PRKD3: variants seen among roughly 807,000 people sequenced by gnomAD.
PRKD3 encodes serine/threonine-protein kinase D3.
A neutral mutation model predicts 99.2 loss-of-function variants in PRKD3; 47 were observed. The ratio of observed to expected loss-of-function variants is 0.47; its 90% CI spans 0.38 to 0.60. The LOEUF (loss-of-function observed/expected upper bound fraction) is 0.60, where lower values mean the gene tolerates loss of function less well. PRKD3 is among the 20% of genes least tolerant of loss of function. PRKD3 has a pLI of 0.00. For synonymous variants in PRKD3, 392 were observed against 355.4 expected (o/e 1.10, Z -1.16); for missense variants, 1,019 against 1,088.4 (o/e 0.94, Z 0.90).
At chr2:37,264,978 C>A (rs756720026) in intron 14 of PRKD3, among the ~76,000 whole-genome samples, 3 of 152,040 alleles carry the variant, frequency 2.0e-5, no homozygotes, top group Admixed American at 2.0e-4. Flanking sequence ...TCCTTGCCAC[C>A]GGAAAGGCCA....
rs552453071 is a variant in PRKD3, at chr2:37,282,419, A to T, written c.988+123T>A. The T allele has an allele frequency of 1.0e-5, 7 of 675,278 alleles. No homozygotes were observed. In the South Asian group the frequency reaches 1.4e-4, roughly 13 times the overall value. 41.8% of individuals were successfully genotyped at this position (675,278 alleles called of 1,614,324 possible). A position where few individuals can be genotyped will look rare whatever the true frequency, so the allele number is the denominator to read the frequency against. On this transcript the variant is annotated intron_variant, in intron 7 of 18. Transcript: ENST00000234179. ...GTCTGTGTATTTTGTTTGATTATTA[A>T]ATCAGAAGAAAATCTTTAAGAAACA...
At chr2:37,308,328 G>C (rs1244570950) in intron 2 of PRKD3, among the ~76,000 whole-genome samples, 3 of 152,168 alleles carry the variant, frequency 2.0e-5, no homozygotes, top group African/African-American at 7.2e-5. Flanking sequence ...CTGAAAGTGA[G>C]CTGCCTGCTG....
chr2:37,320,987 G>A (rs904211827), intron 1 of PRKD3, among the ~76,000 whole-genome samples: 3 of 152,116 alleles, frequency 2.0e-5, no homozygotes, highest in African/African-American at 7.2e-5. Context: ...ATGGACCCCA[G>A]ATTTACTCTG....
At chr2:37,318,863 C>T (rs1158665392) in intron 1 of PRKD3, among the ~76,000 whole-genome samples, 1 of 152,142 alleles carries the variant, frequency 6.6e-6, no homozygotes, top group Non-Finnish European at 1.5e-5. Flanking sequence ...GTTTCAAGTT[C>T]TGGCGGCTGG....
chr2:37,320,810 A>G (rs754462252), intron 1 of PRKD3, among the ~76,000 whole-genome samples: 2 of 152,218 alleles, frequency 1.3e-5, no homozygotes, highest in Non-Finnish European at 2.9e-5. Context: ...TAGCCAAATA[A>G]CAGTGTTTAA....
intron 2 of PRKD3, among the ~76,000 whole-genome samples, chr2:37,296,713 C>T (rs758400147): frequency 1.3e-5 from 2 of 151,668 alleles, no homozygotes; most frequent in Non-Finnish European, 2.9e-5. Context: ...CTGACTAACA[C>T]GGTGAAACCC....
chr2:37,302,582 C>T (rs1319928832), intron 2 of PRKD3, among the ~76,000 whole-genome samples: 2 of 152,248 alleles, frequency 1.3e-5, no homozygotes, highest in Admixed American at 6.5e-5. Flanking sequence ...AAGTTCATGT[C>T]GTTAAAATGC....
intron 11 of PRKD3, among the ~76,000 whole-genome samples, chr2:37,273,403 C>G (rs1044049953): frequency 2.0e-5 from 3 of 152,090 alleles, no homozygotes; most frequent in African/African-American, 7.2e-5. Flanking sequence ...TCACACTTGT[C>G]TCAACTAAAT....
At chr2:37,290,169 T>C (rs181343042) in intron 4 of PRKD3, among the ~76,000 whole-genome samples, 2 of 152,312 alleles carry the variant, frequency 1.3e-5, no homozygotes, top group Admixed American at 6.5e-5. Context: ...AATGTGCACC[T>C]GTGTCCTACT....
intron 11 of PRKD3, 56 bp downstream of exon 11, chr2:37,274,364 CA>C: frequency 1.3e-6 from 2 of 1,584,498 alleles, no homozygotes; most frequent in Non-Finnish European, 1.7e-6. Flanking sequence ...CAACCATACC[CA>C]CAAAATGCTT....
intron 2 of PRKD3, among the ~76,000 whole-genome samples, chr2:37,293,811 A>C (rs115931585): frequency 1.6e-3 from 250 of 152,338 alleles, no homozygotes; most frequent in African/African-American, 4.4e-3. Context: ...GCTGCTGCTG[A>C]TATCGTTTAC....
rs1026464810 is a variant in PRKD3 at position 37,316,818 on chromosome 2, T to A, written c.-294A>T. 7 of 1,183,638 alleles carry A rather than the reference T, an allele frequency of 5.9e-6. No homozygotes were observed. The East Asian group carries it at 3.2e-4, about 54-fold the overall frequency. The allele number at this position is 1,183,638 out of a possible 1,614,324, so 73.3% of individuals were successfully genotyped here. ...CATCACTGAGCTATCCTCAGCAGGA[T>A]AGAGTTGACGTAGCTTATTTACGAA... On this transcript the variant is annotated 5_prime_UTR_variant, in exon 2 of 19. Transcript: ENST00000234179.
intron 7 of PRKD3, among the ~76,000 whole-genome samples, chr2:37,281,445 G>T (rs536644734): frequency 2.5e-4 from 38 of 152,136 alleles, no homozygotes; most frequent in Non-Finnish European, 4.9e-4. Flanking sequence ...CAAGGCAAGG[G>T]TATTAGGTAG....
At position 37,316,286 on chromosome 2, in the gene PRKD3, A is replaced by G. The variant is rs781031857; in HGVS notation, c.239T>C (p.Leu80Pro). Reference protein sequence around the residue: ...RESVTIEAQELSLSAVKDLVC... With the variant: ...RESVTIEAQEPSLSAVKDLVC... ...AAGATCCTTGACAGCAGATAAAGAC[A>G]GTTCCTGGGCTTCAATGGTAACACT... The change falls in exon 2 of 19, where the codon CTG becomes CCG. Residue 80 changes from leucine to proline, a missense_variant. Leu to Pro is a moderately conservative substitution (Grantham distance 98, BLOSUM62 -3). Transcript: ENST00000234179. 5 of 1,614,138 alleles carry G rather than the reference A, an allele frequency of 3.1e-6. No homozygotes were observed. Among genetic ancestry groups the G allele is most frequent in the Non-Finnish European group, 3.4e-6 (4 of 1,180,046 alleles).
intron 7 of PRKD3, among the ~76,000 whole-genome samples, chr2:37,280,799 A>C (rs1209922899): frequency 1.3e-5 from 2 of 152,194 alleles, no homozygotes; most frequent in East Asian, 3.8e-4. Flanking sequence ...GCTACAAACA[A>C]CACCTTACGA....
At chr2:37,293,927 C>T (rs4670684) in intron 2 of PRKD3, among the ~76,000 whole-genome samples, 14,888 of 152,172 alleles carry the variant, frequency 0.098, 1,144 homozygotes, top group East Asian at 0.36. Flanking sequence ...AACATGTTTT[C>T]CTGTTTGCTT....
chr2:37,267,184 A>C (rs1668902503), intron 14 of PRKD3, among the ~76,000 whole-genome samples: 1 of 152,204 alleles, frequency 6.6e-6, no homozygotes, highest in Admixed American at 6.5e-5. Context: ...AATGTGGCAA[A>C]GTATCCTAAG....
intron 16 of PRKD3, among the ~76,000 whole-genome samples, chr2:37,257,486 A>G (rs985215177): frequency 6.6e-6 from 1 of 152,142 alleles, no homozygotes; most frequent in East Asian, 1.9e-4. Flanking sequence ...TAATGCGGTG[A>G]AACCCCGTCT....
rs979888373 is a variant in PRKD3, at chr2:37,322,140, T to C, written c.-656+2541A>G. Among the ~76,000 whole-genome samples the C allele has an allele frequency of 1.6e-3, 246 of 152,170 alleles. 3 individuals carry two copies. The highest frequency in any genetic ancestry group is 0.016 in the Admixed American group (246 of 15,280). On this transcript the variant is annotated intron_variant, in intron 1 of 18. Transcript: ENST00000234179. ...TTAGTATTCTTTTACCACGTAAAAGTATGTGGCCTTTTTCAATGCAATTCT... is the reference window on the plus strand; with the variant it reads ...TTAGTATTCTTTTACCACGTAAAAGCATGTGGCCTTTTTCAATGCAATTCT...
Sources: gnomAD v4.1 joint callset for allele counts (sites outside exome capture counted in the v4.1 genomes callset) on GRCh38, gnomAD v4.1.1 for gene constraint, MANE v1.5 for transcripts, NCBI Gene and HGNC (gene_info 2026-07-23, HGNC 2026-07-21) for gene names.